PTK2: variants seen among roughly 807,000 people sequenced by gnomAD.
PTK2 encodes focal adhesion kinase 1.
Under a neutral mutation model 150.1 loss-of-function variants are expected in PTK2, and 45 were observed. The observed-to-expected ratio is 0.30, with a 90% CI of 0.24 to 0.38. The LOEUF (loss-of-function observed/expected upper bound fraction) is 0.38. PTK2 is among the 10% of genes least tolerant of loss of function. PTK2 has a pLI of 1.00. For missense variants in PTK2, 919 were observed against 1,307.3 expected, an observed-to-expected ratio of 0.70 and a Z score of 4.58; for synonymous variants, 432 against 449.2, an observed-to-expected ratio of 0.96 and a Z score of 0.48.
At chr8:140,879,585 T>C (rs1163231407) in exon 4 of PTK2, 1 of 1,596,568 alleles carries the variant, frequency 6.3e-7, no homozygotes, top group African/African-American at 1.4e-5. Context: ...GCGGAATCCA[T>C]AGCAGGCCAC....
intron 11 of PTK2, among the ~76,000 whole-genome samples, chr8:140,801,204 C>T (rs1402529612): frequency 2.0e-5 from 3 of 152,148 alleles, no homozygotes; most frequent in African/African-American, 7.2e-5. Context: ...AGGAGTGCTG[C>T]AAATAAAGCT....
intron 22 of PTK2, among the ~76,000 whole-genome samples, chr8:140,725,123 G>C (rs1022614197): frequency 2.6e-5 from 4 of 152,032 alleles, no homozygotes; most frequent in Non-Finnish European, 5.9e-5. Flanking sequence ...TATCCACTAA[G>C]ACTGTACCTT....
intron 1 of PTK2, among the ~76,000 whole-genome samples, chr8:140,959,127 AT>A (rs931650442): frequency 4.0e-5 from 6 of 150,058 alleles, no homozygotes; most frequent in African/African-American, 9.8e-5. Flanking sequence ...AGGGAGTAAA[AT>A]TTTTTTTTTA....
chr8:140,889,888 T>A (rs2100153647), intron 3 of PTK2, among the ~76,000 whole-genome samples: 1 of 152,228 alleles, frequency 6.6e-6, no homozygotes. Context: ...CAATTCTGTA[T>A]CACTATCTTT....
chr8:140,711,175 C>T (rs950910716), intron 23 of PTK2, among the ~76,000 whole-genome samples: 27 of 152,270 alleles, frequency 1.8e-4, no homozygotes, highest in African/African-American at 4.8e-4. Flanking sequence ...GGCGTGATCT[C>T]GGCTCGCTGC....
intron 27 of PTK2, chr8:140,675,869 A>C (rs934275947): frequency 5.9e-6 from 1 of 169,926 alleles, no homozygotes; most frequent in Non-Finnish European, 1.2e-5. Context: ...AAGAACTCAA[A>C]ATAGAACTAC....
intron 8 of PTK2, among the ~76,000 whole-genome samples, chr8:140,825,923 G>A (rs2100111506): frequency 6.6e-6 from 1 of 152,146 alleles, no homozygotes; most frequent in Non-Finnish European, 1.5e-5. Flanking sequence ...CAACGAGACG[G>A]AAATTAAAAT....
chr8:140,833,038 G>A (rs1378880407), intron 7 of PTK2: 1 of 518,944 alleles, frequency 1.9e-6, no homozygotes, highest in Admixed American at 1.9e-5. Flanking sequence ...CATATTCATT[G>A]CTGTCACAAA....
At chr8:140,797,356 T>G (rs920308650) in intron 12 of PTK2, among the ~76,000 whole-genome samples, 2 of 152,174 alleles carry the variant, frequency 1.3e-5, no homozygotes, top group Non-Finnish European at 2.9e-5. Context: ...TGTCATAATA[T>G]TTTCCCCTGT....
rs536943248 is a variant in PTK2 at position 140,938,147 on chromosome 8, A to C, written c.-121-12398T>G. Among the ~76,000 whole-genome samples, 13 of 152,296 alleles carry C rather than the reference A, an allele frequency of 8.5e-5. No homozygotes were observed. The South Asian group carries it at 2.7e-3, about 32-fold the overall frequency. ...TGCAAAGAGAGACGATGCAAATAGA[A>C]GGCGTCCATCACTAAGTCCACTAGT... On this transcript the variant is annotated intron_variant, in intron 1 of 31. Transcript: ENST00000522684.
chr8:140,686,602 A>C (rs200754638), intron 27 of PTK2, 30 bp downstream of exon 30: 1 of 1,587,528 alleles, frequency 6.3e-7, no homozygotes, highest in Admixed American at 1.7e-5. Context: ...GAGAACTGGA[A>C]ATCAAATCCT....
exon 25 of PTK2, chr8:140,702,694 G>C (rs751455281): frequency 6.2e-7 from 1 of 1,613,914 alleles, no homozygotes; most frequent in Non-Finnish European, 8.5e-7. Context: ...ATGTGAACCA[G>C]GGTAGCCAGA....
chr8:140,824,307 C>G (rs1329497538), intron 8 of PTK2, among the ~76,000 whole-genome samples: 1 of 152,170 alleles, frequency 6.6e-6, no homozygotes, highest in African/African-American at 2.4e-5. Context: ...GGAAAACATG[C>G]TGCTTTTTCT....
chr8:140,934,035 G>A (rs1395958367), intron 1 of PTK2, among the ~76,000 whole-genome samples: 1 of 152,062 alleles, frequency 6.6e-6, no homozygotes. Flanking sequence ...CCACCAGTTG[G>A]TATTCAGAAA....
At chr8:140,984,897 C>G (rs1286213319) in intron 1 of PTK2, among the ~76,000 whole-genome samples, 1 of 152,078 alleles carries the variant, frequency 6.6e-6, no homozygotes, top group Admixed American at 6.6e-5. Context: ...CAGGAACTAC[C>G]AAGCATGAAT....
chr8:140,842,719 A>C (rs1017734864), intron 7 of PTK2, among the ~76,000 whole-genome samples: 1 of 152,158 alleles, frequency 6.6e-6, no homozygotes, highest in Non-Finnish European at 1.5e-5. Flanking sequence ...GAATCACTAC[A>C]GTGGAGCAAA....
chr8:140,982,064 T>TAAAAA (rs142919207), intron 1 of PTK2, among the ~76,000 whole-genome samples: 1 of 112,344 alleles, frequency 8.9e-6, no homozygotes. Context: ...ACCAACTCAA[T>TAAAAA]AAAAAAAAAA....
rs373200378 is a variant in PTK2, at chr8:140,936,420, A to G, written c.-121-10671T>C. On this transcript the variant is annotated intron_variant, in intron 1 of 31. Transcript: ENST00000522684. ...AAGGTAAAACACAGGAGGAGGGGCC[A>G]CTATAATAAAAGACACTTCAACTAA... is the stretch of plus-strand genomic sequence containing the variant. Among the ~76,000 whole-genome samples, 21 of 152,340 alleles carry G rather than the reference A, an allele frequency of 1.4e-4. No homozygotes were observed. The East Asian group carries it at 2.7e-3, about 20-fold the overall frequency.
intron 10 of PTK2, among the ~76,000 whole-genome samples, chr8:140,812,191 T>TA (rs1233221931): frequency 6.6e-6 from 1 of 152,156 alleles, no homozygotes; most frequent in African/African-American, 2.4e-5. Flanking sequence ...GCCCATCAGA[T>TA]AAACAGCAGA....
Sources: allele counts gnomAD v4.1 joint callset (sites outside exome capture counted in the v4.1 genomes callset), GRCh38; gene constraint gnomAD v4.1.1; transcripts MANE v1.5; gene names NCBI Gene and HGNC (gene_info 2026-07-23, HGNC 2026-07-21).